The following CDH8 variants were observed in gnomAD, a reference collection of about 807,000 sequenced individuals.
CDH8 encodes the protein cadherin 8.
CDH8 carries 17 observed loss-of-function variants against 68.1 expected under a neutral mutation model. The observed-to-expected ratio is 0.25, with a 90% CI of 0.17 to 0.37. CDH8 has a LOEUF of 0.37. CDH8 is among the 10% of genes least tolerant of loss of function. CDH8 has a pLI of 1.00. For missense variants in CDH8, 763 were observed against 999.3 expected (o/e 0.76, Z 3.19); for synonymous variants, 372 against 365.1 (o/e 1.02, Z -0.21).
At position 61,957,565 on chromosome 16, in the gene CDH8, A is replaced by AAT. The variant is rs35956149; in HGVS notation, c.253-56094_253-56093dup. On this transcript the variant is annotated intron_variant, in intron 2 of 11. Coordinates refer to ENST00000577390, the MANE Select transcript of CDH8 (RefSeq NM_001796.5). Reference sequence around the variant, plus strand: ...GGATGGAAATGAAAAGACCAACTAAAATATATATAGATATATGAACATATA... The same window carrying AAT: ...GGATGGAAATGAAAAGACCAACTAAAATATATATATAGATATATGAACATATA... Among the ~76,000 whole-genome samples, 8 of 152,256 alleles carry AAT rather than the reference A, an allele frequency of 5.3e-5. No individual in the cohort carries two copies. The East Asian group carries it at 1.4e-3, about 26-fold the overall frequency.
intron 3 of CDH8, among the ~76,000 whole-genome samples, chr16:61,869,238 C>T (rs773132367): frequency 4.6e-5 from 7 of 151,984 alleles, no homozygotes; most frequent in Admixed American, 2.0e-4. Context: ...TGATGAATAC[C>T]GGTCCTTCTT....
At chr16:61,676,910 C>T (rs923885948) in intron 10 of CDH8, among the ~76,000 whole-genome samples, 9 of 151,858 alleles carry the variant, frequency 5.9e-5, no homozygotes, top group East Asian at 3.9e-4. Flanking sequence ...TGTAGGGTGA[C>T]GAAAATATTC....
chr16:61,940,017 G>A (rs1261756896), intron 2 of CDH8, among the ~76,000 whole-genome samples: 1 of 152,048 alleles, frequency 6.6e-6, no homozygotes, highest in Non-Finnish European at 1.5e-5. Context: ...AACAAAAGAG[G>A]TGCATTCCCT....
intron 10 of CDH8, among the ~76,000 whole-genome samples, chr16:61,703,304 T>A (rs985754217): frequency 1.3e-5 from 2 of 152,136 alleles, no homozygotes; most frequent in Non-Finnish European, 2.9e-5. Flanking sequence ...CTTTCTTCCC[T>A]ACCTACTCAA....
intron 8 of CDH8, among the ~76,000 whole-genome samples, chr16:61,775,511 C>A (rs1177947602): frequency 2.0e-5 from 3 of 152,066 alleles, no homozygotes; most frequent in Admixed American, 2.0e-4. Context: ...ACTTCTCTAG[C>A]CCTTCTACCC....
chr16:61,981,982 GGAAA>G (rs1965540138), intron 2 of CDH8, among the ~76,000 whole-genome samples: 1 of 151,958 alleles, frequency 6.6e-6, no homozygotes, highest in Non-Finnish European at 1.5e-5. Flanking sequence ...CTGGATTTCA[GGAAA>G]GAAAGTCATT....
chr16:61,953,032 TG>T (rs745714580), intron 2 of CDH8, among the ~76,000 whole-genome samples: 4 of 152,130 alleles, frequency 2.6e-5, no homozygotes, highest in African/African-American at 9.7e-5. Flanking sequence ...TTAGGTAACG[TG>T]GGCTGACTCA....
chr16:61,824,256 GCTTTTAAACATC>G, intron 5 of CDH8, among the ~76,000 whole-genome samples: 1 of 151,866 alleles, frequency 6.6e-6, no homozygotes, highest in South Asian at 2.1e-4. Context: ...TAGACACAGG[GCTTTTAAACATC>G]CTTTTAAGCT....
intron 9 of CDH8, chr16:61,726,333 T>C (rs747457441): frequency 6.6e-6 from 1 of 150,918 alleles, no homozygotes; most frequent in Non-Finnish European, 1.5e-5. Flanking sequence ...ACACAGGCTA[T>C]TTCCATTTTG....
chr16:61,994,918 T>G (rs1300412043), intron 2 of CDH8, among the ~76,000 whole-genome samples: 1 of 152,230 alleles, frequency 6.6e-6, no homozygotes, highest in Non-Finnish European at 1.5e-5. Flanking sequence ...CTGTTCATGT[T>G]TCCTTGTACA....
intron 10 of CDH8, among the ~76,000 whole-genome samples, chr16:61,701,626 A>G (rs576024129): frequency 9.2e-5 from 14 of 152,210 alleles, no homozygotes; most frequent in Non-Finnish European, 1.5e-4. Context: ...TTCACTAGAT[A>G]CCTTTGTCCA....
At chr16:61,823,230 A>C (rs1313579061) in intron 5 of CDH8, among the ~76,000 whole-genome samples, 1 of 151,994 alleles carries the variant, frequency 6.6e-6, no homozygotes, top group Non-Finnish European at 1.5e-5. Flanking sequence ...TAAATCATCA[A>C]AGATACCTCA....
In CDH8 at chr16:61,652,961, C is replaced by T. The variant is rs1445916172; in HGVS notation, c.*647G>A. ...CCCACCACTGAATTGGCAAGCCCCA[C>T]CCTGGAATGGATTACGAACATGTGA... On this transcript the variant is annotated 3_prime_UTR_variant, in exon 12 of 12. Transcript: ENST00000577390. The T allele has an allele frequency of 2.0e-6, 3 of 1,517,816 alleles. No homozygotes were observed. The highest frequency in any genetic ancestry group is 1.7e-4 in the Middle Eastern group (1 of 5,892). 94.0% of individuals were successfully genotyped at this position (1,517,816 alleles called of 1,614,324 possible).
rs1963294529 is a variant in CDH8, at chr16:61,650,431, G to C, written c.*3177C>G. 2 of 152,084 alleles carry C rather than the reference G, an allele frequency of 1.3e-5. No individual in the cohort carries two copies. Among genetic ancestry groups the C allele is most frequent in the Non-Finnish European group, 1.5e-5 (1 of 68,012 alleles). 9.4% of individuals were successfully genotyped at this position (152,084 alleles called of 1,614,324 possible). A position where few individuals can be genotyped will look rare whatever the true frequency, so the allele number is the denominator to read the frequency against. ...CTTAATCATTCTTCTCTATTTAGCA[G>C]AGAGTACTCTTGTTTCTGCTATGTC... On this transcript the variant is annotated 3_prime_UTR_variant, in exon 12 of 12. Coordinates refer to ENST00000577390, the MANE Select transcript of CDH8 (RefSeq NM_001796.5).
At chr16:61,981,543 A>G (rs1260516724) in intron 2 of CDH8, among the ~76,000 whole-genome samples, 1 of 152,166 alleles carries the variant, frequency 6.6e-6, no homozygotes, top group Non-Finnish European at 1.5e-5. Flanking sequence ...ATATCTCTAA[A>G]CGTAATAAGG....
chr16:61,668,429 C>T (rs531085887), intron 10 of CDH8, among the ~76,000 whole-genome samples: 43 of 152,028 alleles, frequency 2.8e-4, no homozygotes, highest in Non-Finnish European at 5.4e-4. Context: ...CAGGTTTATT[C>T]CACCTCAGGC....
chr16:61,993,115 A>G (rs1042649097), intron 2 of CDH8, among the ~76,000 whole-genome samples: 2 of 152,128 alleles, frequency 1.3e-5, no homozygotes, highest in Admixed American at 6.6e-5. Flanking sequence ...TTAAATATGC[A>G]TGTATTGGGC....
At chr16:62,032,255 T>C (rs1251005058) in intron 1 of CDH8, among the ~76,000 whole-genome samples, 1 of 152,192 alleles carries the variant, frequency 6.6e-6, no homozygotes, top group African/African-American at 2.4e-5. Flanking sequence ...AAAGGGAACA[T>C]GATAAAAATC....
chr16:61,769,654 A>G (rs994846900), intron 8 of CDH8, among the ~76,000 whole-genome samples: 1 of 151,900 alleles, frequency 6.6e-6, no homozygotes, highest in Non-Finnish European at 1.5e-5. Context: ...ACATTTCCAA[A>G]TGGATTTATT....
Sources: gnomAD v4.1 joint callset for allele counts (sites outside exome capture counted in the v4.1 genomes callset) on GRCh38, gnomAD v4.1.1 for gene constraint, MANE v1.5 for transcripts, NCBI Gene and HGNC (gene_info 2026-07-23, HGNC 2026-07-21) for gene names.